Variants in MDGA2 observed in about 807,000 individuals in gnomAD.
The protein encoded by MDGA2 is MAM domain-containing glycosylphosphatidylinositol anchor protein 2.
MDGA2 carries 40 observed loss-of-function variants against 117.8 expected under a neutral mutation model. The ratio of observed to expected loss-of-function variants is 0.34; its 90% CI spans 0.26 to 0.44. The LOEUF is 0.44. Ranked by LOEUF, MDGA2 falls within the 20% of genes least tolerant of loss-of-function variation. The pLI, the probability that MDGA2 is intolerant of heterozygous loss-of-function variation, is 1.00. For missense variants in MDGA2, 1,123 were observed against 1,250.6 expected (o/e 0.90, Z 1.54); for synonymous variants, 452 against 439.0 (o/e 1.03, Z -0.37).
At chr14:47,203,433 A>G (rs1374697406) in intron 3 of MDGA2, among the ~76,000 whole-genome samples, 1 of 151,978 alleles carries the variant, frequency 6.6e-6, no homozygotes, top group East Asian at 1.9e-4. Flanking sequence ...GAATGTTTGA[A>G]TACACTGAGG....
intron 3 of MDGA2, among the ~76,000 whole-genome samples, chr14:47,206,463 T>G (rs1010007072): frequency 6.6e-6 from 1 of 151,784 alleles, no homozygotes; most frequent in Non-Finnish European, 1.5e-5. Context: ...TGTTGGCACC[T>G]GCCTGTAGTC....
chr14:47,115,870 A>G (rs1302530892), intron 5 of MDGA2, among the ~76,000 whole-genome samples: 1 of 151,988 alleles, frequency 6.6e-6, no homozygotes, highest in East Asian at 1.9e-4. Context: ...TAAGGTCTGG[A>G]ATACGGAAAG....
chr14:47,351,335 G>C (rs1890876483), intron 1 of MDGA2, among the ~76,000 whole-genome samples: 1 of 152,112 alleles, frequency 6.6e-6, no homozygotes, highest in African/African-American at 2.4e-5. Context: ...GCCGGCCTCA[G>C]CCGCCCAAAG....
chr14:47,487,489 A>C (rs1894084944), intron 1 of MDGA2, among the ~76,000 whole-genome samples: 1 of 152,242 alleles, frequency 6.6e-6, no homozygotes, highest in African/African-American at 2.4e-5. Flanking sequence ...AGACTATGGC[A>C]CAGAGAAGAC....
intron 7 of MDGA2, among the ~76,000 whole-genome samples, chr14:47,059,584 G>A (rs1028042016): frequency 1.3e-5 from 2 of 151,946 alleles, no homozygotes; most frequent in Non-Finnish European, 2.9e-5. Flanking sequence ...GTTAGGGCTC[G>A]TTTTGTGAGC....
At chr14:46,991,490 C>G (rs1230150347) in intron 8 of MDGA2, among the ~76,000 whole-genome samples, 2 of 151,730 alleles carry the variant, frequency 1.3e-5, no homozygotes, top group Non-Finnish European at 2.9e-5. Flanking sequence ...TCTTAAGAGT[C>G]AAAGCAGCAA....
chr14:47,315,317 A>G (rs1378739876), intron 1 of MDGA2, among the ~76,000 whole-genome samples: 1 of 152,050 alleles, frequency 6.6e-6, no homozygotes, highest in Non-Finnish European at 1.5e-5. Flanking sequence ...CTTGTCTTAA[A>G]TTTTGTTTCT....
At chr14:46,938,126 T>C (rs953863672) in intron 9 of MDGA2, among the ~76,000 whole-genome samples, 2 of 152,264 alleles carry the variant, frequency 1.3e-5, no homozygotes, top group Admixed American at 6.5e-5. Flanking sequence ...TCTAATTTTT[T>C]AAATGGGCTA....
At chr14:47,106,157 T>A (rs1309898109) in intron 5 of MDGA2, among the ~76,000 whole-genome samples, 1 of 152,130 alleles carries the variant, frequency 6.6e-6, no homozygotes, top group Non-Finnish European at 1.5e-5. Context: ...CCTGAGACAC[T>A]TTACAGCCCT....
intron 6 of MDGA2, among the ~76,000 whole-genome samples, chr14:47,078,298 T>C (rs74687773): frequency 0.028 from 4,217 of 152,210 alleles, 93 homozygotes; most frequent in Non-Finnish European, 0.043. Context: ...CATGCTCTCC[T>C]CCATATATAT....
At chr14:47,209,352 CAGA>C (rs1885800834) in intron 3 of MDGA2, among the ~76,000 whole-genome samples, 2 of 152,058 alleles carry the variant, frequency 1.3e-5, no homozygotes, top group African/African-American at 4.8e-5. Context: ...CCCTCCAGCT[CAGA>C]AGGCTTATAG....
intron 2 of MDGA2, among the ~76,000 whole-genome samples, chr14:47,267,802 AATTTG>A (rs1888015478): frequency 1.3e-5 from 2 of 152,176 alleles, no homozygotes; most frequent in African/African-American, 2.4e-5. Context: ...AATGATTAAT[AATTTG>A]ATTTATTTTT....
intron 1 of MDGA2, among the ~76,000 whole-genome samples, chr14:47,423,414 G>A (rs527561974): frequency 5.9e-5 from 9 of 152,122 alleles, no homozygotes; most frequent in South Asian, 4.1e-4. Context: ...GGTGCTTTAC[G>A]CGCACTGTTC....
At chr14:47,371,780 G>C (rs915088904) in intron 1 of MDGA2, among the ~76,000 whole-genome samples, 1 of 151,574 alleles carries the variant, frequency 6.6e-6, no homozygotes, top group Non-Finnish European at 1.5e-5. Context: ...AAGTTTCTAG[G>C]TTTATAAATT....
chr14:46,919,923 G>T, intron 10 of MDGA2, 89 bp downstream of exon 10: 1 of 1,173,930 alleles, frequency 8.5e-7, no homozygotes, highest in Non-Finnish European at 1.2e-6. Context: ...ATATATTTTG[G>T]AATTCATGCA....
Position 47,208,530 on chromosome 14 carries a change from C to CTT in MDGA2, c.595+9489_595+9490dup, listed in dbSNP as rs35699705. Among the ~76,000 whole-genome samples, 940 of 142,336 alleles carry CTT rather than the reference C, an allele frequency of 6.6e-3. 12 individuals are homozygous for CTT. The highest frequency in any genetic ancestry group is 0.014 in the Middle Eastern group (4 of 276). 93.4% of individuals were successfully genotyped at this position (142,336 alleles called of 152,430 possible). On this transcript the variant is annotated intron_variant, in intron 3 of 16. Transcript: ENST00000399232. ...ACAAATTATATTCCTTCTCTAAACT[C>CTT]TTTTTTTTTTTTTTTATGAAATGTC...
At chr14:47,342,177 C>T (rs1242851257) in intron 1 of MDGA2, among the ~76,000 whole-genome samples, 2 of 151,102 alleles carry the variant, frequency 1.3e-5, no homozygotes, top group African/African-American at 4.9e-5. Context: ...ATAAGCTAGG[C>T]CTATGAGTTC....
At chr14:47,306,092 C>G (rs1456052474) in intron 1 of MDGA2, 3 of 152,108 alleles carry the variant, frequency 2.0e-5, no homozygotes, top group Non-Finnish European at 2.9e-5. Flanking sequence ...CACTGTACAG[C>G]CTTATCAGCT....
chr14:47,116,558 C>CA (rs1378849600), intron 5 of MDGA2, among the ~76,000 whole-genome samples: 1 of 151,996 alleles, frequency 6.6e-6, no homozygotes, highest in Non-Finnish European at 1.5e-5. Context: ...GGCATAAAGA[C>CA]AGACAAATAG....
Sources: allele counts gnomAD v4.1 joint callset (sites outside exome capture counted in the v4.1 genomes callset), GRCh38; gene constraint gnomAD v4.1.1; transcripts MANE v1.5; gene names NCBI Gene and HGNC (gene_info 2026-07-23, HGNC 2026-07-21).